The following RAPGEF1 variants were observed in gnomAD, a reference collection of about 807,000 sequenced individuals.
The protein encoded by RAPGEF1 is CRK SH3-binding GNRP.
Under a neutral mutation model 143.3 loss-of-function variants are expected in RAPGEF1, and 33 were observed. The observed-to-expected ratio is 0.23, with a 90% confidence interval of 0.17 to 0.31. RAPGEF1 has a LOEUF of 0.31. RAPGEF1 is among the 10% of genes least tolerant of loss of function. The pLI is 1.00. For missense variants in RAPGEF1, 1,199 were observed against 1,645.4 expected (o/e 0.73, Z 4.69); for synonymous variants, 629 against 676.5 (o/e 0.93, Z 1.09).
intron 5 of RAPGEF1, among the ~76,000 whole-genome samples, chr9:131,636,947 T>G (rs976431265): frequency 6.6e-6 from 1 of 152,144 alleles, no homozygotes; most frequent in Non-Finnish European, 1.5e-5. Context: ...ATGGGGAGGC[T>G]GGGCGCAGTG....
chr9:131,589,537 A>T (rs1251954748), intron 19 of RAPGEF1, among the ~76,000 whole-genome samples: 10 of 152,154 alleles, frequency 6.6e-5, no homozygotes, highest in Non-Finnish European at 5.9e-5. Context: ...AGCGAGGGAG[A>T]GGTGGCCTCT....
At position 131,733,392 on chromosome 9, in the gene RAPGEF1, G is replaced by A. The variant is rs1487654361; in HGVS notation, c.61+6378C>T. Among the ~76,000 whole-genome samples the A allele has an allele frequency of 2.7e-5, 4 of 149,912 alleles. 1 individual carries two copies. Among genetic ancestry groups the A allele is most frequent in the South Asian group, 4.2e-4 (2 of 4,720 alleles). ...GGGGGGGGGGTGGTGCGGGGTTGGC[G>A]GGGGCAGTGGCTACAGCTTAAAAAC... is the stretch of plus-strand genomic sequence containing the variant. On this transcript the variant is annotated intron_variant, in intron 1 of 26. Coordinates refer to ENST00000683357, the MANE Select transcript of RAPGEF1 (RefSeq NM_001377935.1).
chr9:131,624,465 C>T (rs1962313210), intron 10 of RAPGEF1, among the ~76,000 whole-genome samples: 2 of 152,220 alleles, frequency 1.3e-5, no homozygotes, highest in African/African-American at 4.8e-5. Flanking sequence ...ATGGCTACCC[C>T]TCCCTTTCCT....
At chr9:131,676,370 G>A (rs1270539588) in intron 1 of RAPGEF1, among the ~76,000 whole-genome samples, 1 of 152,206 alleles carries the variant, frequency 6.6e-6, no homozygotes, top group Non-Finnish European at 1.5e-5. Flanking sequence ...CTGTGTGGGG[G>A]ACTGAGTCCC....
intron 26 of RAPGEF1, 145 bp from the exon 27 acceptor site, chr9:131,579,792 G>T: frequency 1.2e-6 from 1 of 824,308 alleles, no homozygotes; most frequent in Non-Finnish European, 1.9e-6. Flanking sequence ...TGACCAATGT[G>T]ACAGAGGGGA....
intron 11 of RAPGEF1, among the ~76,000 whole-genome samples, chr9:131,620,536 G>A (rs1399336136): frequency 1.3e-5 from 2 of 152,152 alleles, no homozygotes; most frequent in African/African-American, 4.8e-5. Flanking sequence ...GTGTCTGTGG[G>A]ACGGGCAGGG....
At position 131,717,833 on chromosome 9, in the gene RAPGEF1, C is replaced by T. The variant is rs369299341; in HGVS notation, c.61+21937G>A. Among the ~76,000 whole-genome samples the T allele has an allele frequency of 4.6e-5, 7 of 150,822 alleles. 1 individual carries two copies. In the South Asian group the frequency reaches 1.1e-3, roughly 23 times the overall value. On this transcript the variant is annotated intron_variant, in intron 1 of 26. Coordinates refer to ENST00000683357, the MANE Select transcript of RAPGEF1 (RefSeq NM_001377935.1). ...GGGGGATGAGGGACAGAAAGTGATG[C>T]GCACCCTATCTGTTATTCTGGGCCC...
intron 1 of RAPGEF1, among the ~76,000 whole-genome samples, chr9:131,695,373 A>G (rs1052672806): frequency 1.3e-5 from 2 of 152,326 alleles, no homozygotes; most frequent in Admixed American, 6.5e-5. Context: ...CACACGATAG[A>G]GGTCAATGGT....
At chr9:131,680,989 T>C (rs184421689) in intron 1 of RAPGEF1, among the ~76,000 whole-genome samples, 1 of 151,962 alleles carries the variant, frequency 6.6e-6, no homozygotes, top group African/African-American at 2.4e-5. Flanking sequence ...CTCAAAGCAA[T>C]CCCCCTGGTG....
chr9:131,736,632 G>C (rs1837433795), intron 1 of RAPGEF1, among the ~76,000 whole-genome samples: 1 of 152,174 alleles, frequency 6.6e-6, no homozygotes, highest in Admixed American at 6.5e-5. Flanking sequence ...GAGGTATCAG[G>C]CAATGCAAGG....
At chr9:131,666,604 C>T (rs940591347) in intron 1 of RAPGEF1, among the ~76,000 whole-genome samples, 1 of 151,952 alleles carries the variant, frequency 6.6e-6, no homozygotes, top group Non-Finnish European at 1.5e-5. Context: ...AGGCTGGTCT[C>T]GAACTCCTGA....
Position 131,579,522 on chromosome 9 carries a change from T to C in RAPGEF1, c.3767A>G (p.Lys1256Arg). 1 of 1,614,016 alleles carries C rather than the reference T, an allele frequency of 6.2e-7. No individual in the cohort carries two copies. Among genetic ancestry groups the C allele is most frequent in the Non-Finnish European group, 8.5e-7 (1 of 1,179,866 alleles). Reference protein sequence around the residue: ...KIKPRNITRRKTDREEKT With the variant: ...KIKPRNITRRRTDREEKT ...CTAGGTCTTCTCTTCCCGGTCTGTT[T>C]TTCTCCTTGTTATGTTCCTGGGTTT... is the stretch of plus-strand genomic sequence containing the variant. The change falls in exon 27 of 27, where the codon AAA becomes AGA. Residue 1256 changes from lysine to arginine, a missense_variant. Lys to Arg is a conservative substitution (Grantham distance 26, BLOSUM62 2). This residue lies in a region of RAPGEF1 where 67 missense variants were observed against 105.4 expected (regional missense o/e 0.64). Transcript: ENST00000683357.
chr9:131,592,156 A>C lies in RAPGEF1; in HGVS notation c.2717T>G (p.Leu906Arg). 6.2e-7 allele frequency: 1 copy of C among 1,611,000 alleles called. No individual in the cohort carries two copies. Among genetic ancestry groups the C allele is most frequent in the Non-Finnish European group, 8.5e-7 (1 of 1,178,266 alleles). Residue 906 changes from leucine to arginine, a missense_variant, in exon 18 of 27, where the codon CTG becomes CGG. Physicochemically the swap from Leu to Arg is moderately radical, Grantham distance 102. This residue lies in a region of RAPGEF1 where 209 missense variants were observed against 403.0 expected (regional missense o/e 0.52). Transcript: ENST00000683357. ...KDLVLYCEAF[L>R]TTYRTFISPE... ...GGAGATGAAGGTCCTGTAGGTGGTC[A>C]GGAATGCCTCGCAGTACAACACCAA...
At chr9:131,729,911 T>C (rs1235505034) in intron 1 of RAPGEF1, among the ~76,000 whole-genome samples, 2 of 152,078 alleles carry the variant, frequency 1.3e-5, no homozygotes, top group Admixed American at 6.5e-5. Flanking sequence ...AAGAAACAAA[T>C]TGGCTGGGCG....
At chr9:131,680,464 T>C (rs1832811121) in intron 1 of RAPGEF1, among the ~76,000 whole-genome samples, 1 of 152,224 alleles carries the variant, frequency 6.6e-6, no homozygotes, top group South Asian at 2.1e-4. Context: ...ATGTTCATGA[T>C]GGCCATAATG....
At chr9:131,732,856 G>GAC (rs1195239400) in intron 1 of RAPGEF1, among the ~76,000 whole-genome samples, 1 of 152,220 alleles carries the variant, frequency 6.6e-6, no homozygotes, top group Admixed American at 6.5e-5. Context: ...CGCAGTGGTA[G>GAC]ACACACTCCC....
chr9:131,685,638 A>ACC (rs1833280939), intron 1 of RAPGEF1, among the ~76,000 whole-genome samples: 1 of 152,198 alleles, frequency 6.6e-6, no homozygotes, highest in South Asian at 2.1e-4. Context: ...AAACAATGCT[A>ACC]ATGACTGGCT....
chr9:131,609,647 T>C (rs13291709), intron 12 of RAPGEF1, among the ~76,000 whole-genome samples: 34,957 of 152,024 alleles, frequency 0.23, 4,704 homozygotes, highest in Non-Finnish European at 0.3. Flanking sequence ...AACACACCCC[T>C]GAAAGCCACT....
chr9:131,611,508 T>C, intron 12 of RAPGEF1, among the ~76,000 whole-genome samples: 1 of 152,162 alleles, frequency 6.6e-6, no homozygotes, highest in East Asian at 1.9e-4. Flanking sequence ...TTTTGGCCAA[T>C]GGCTTCATGG....
Sources: allele counts gnomAD v4.1 joint callset (sites outside exome capture counted in the v4.1 genomes callset), GRCh38; gene constraint gnomAD v4.1.1; regional missense constraint gnomAD v4.1.1; transcripts MANE v1.5; gene names NCBI Gene and HGNC (gene_info 2026-07-23, HGNC 2026-07-21).